Variants in UGT3A2 observed in about 807,000 individuals in gnomAD.
UGT3A2 encodes UDP glycosyltransferase family 3 member A2.
In UGT3A2, 32 loss-of-function variants were observed where a neutral mutation model predicts 39.8. The ratio of observed to expected loss-of-function variants is 0.80; its 90% CI spans 0.61 to 1.08. The LOEUF is 1.08. Ranked by LOEUF, UGT3A2 falls within the 50% of genes least tolerant of loss-of-function variation. UGT3A2 has a pLI of 0.00. For synonymous variants in UGT3A2, 241 were observed against 230.7 expected (o/e 1.04, Z -0.40); for missense variants, 611 against 637.1 (o/e 0.96, Z 0.44).
intron 2 of UGT3A2, among the ~76,000 whole-genome samples, chr5:36,058,638 C>T (rs1432102079): frequency 2.0e-5 from 3 of 152,172 alleles, no homozygotes; most frequent in African/African-American, 7.2e-5. Context: ...CTCCTCCTCC[C>T]TGCTCATTCT....
intron 3 of UGT3A2, among the ~76,000 whole-genome samples, chr5:36,049,993 G>A (rs1345692163): frequency 1.3e-5 from 2 of 151,888 alleles, no homozygotes; most frequent in East Asian, 1.9e-4. Flanking sequence ...CTACCCCTAG[G>A]AGTTAAGCAA....
rs753310477 is a variant in UGT3A2 at position 36,039,562 on chromosome 5, C to T, written c.990G>A (p.Lys330=). The part of the protein sequence containing the change: ...FAHLPQGVIW[K]CQCSHWPKDV... ...CTTTGGGCCAATGAGAACACTGACA[C>T]TTCCATATCACCCCTTGGGGTAGGT... The change falls in exon 5 of 7, where the codon AAG becomes AAA. Residue 330 remains lysine (K), a synonymous_variant. Transcript: ENST00000282507. 1 of 1,614,214 alleles carries T rather than the reference C, an allele frequency of 6.2e-7. No individual in the cohort carries two copies. Among genetic ancestry groups the T allele is most frequent in the Non-Finnish European group, 8.5e-7 (1 of 1,180,046 alleles).
chr5:36,037,894 G>T lies in UGT3A2; in HGVS notation c.1198C>A (p.Arg400=). 2 of 1,613,872 alleles carry T rather than the reference G, an allele frequency of 1.2e-6. No homozygotes were observed. The highest frequency in any genetic ancestry group is 1.7e-6 in the Non-Finnish European group (2 of 1,179,948). ...ACACCAAACTTTTTGGCTTCTACTC[G>T]GACCATGTTTTCAGGCTGGTCTCCA... The part of the protein sequence containing the change: ...LFGDQPENMV[R]VEAKKFGVSI... Residue 400 remains arginine (R), a synonymous_variant, in exon 6 of 7, where the codon CGA becomes AGA. Transcript: ENST00000282507.
chr5:36,037,979 C>G lies in UGT3A2; in HGVS notation c.1113G>C (p.Gly371=), dbSNP rs996092106. The stretch of plus-strand genomic sequence containing the variant: ...GGATGGCCTCCATTATGCTATTCTG[C>G]CCGCCGTGGGTGACAAACAGACGGA... ...PSIRLFVTHG[G]QNSIMEAIQH... The change falls in exon 6 of 7, where the codon GGG becomes GGC. Residue 371 remains glycine (G), a synonymous_variant. Coordinates refer to ENST00000282507, the MANE Select transcript of UGT3A2 (RefSeq NM_174914.4). The G allele has an allele frequency of 1.2e-6, 2 of 1,611,690 alleles. No homozygotes were observed. The highest frequency in any genetic ancestry group is 2.7e-5 in the African/African-American group (2 of 74,834).
At chr5:36,048,863 A>G (rs1166445144) in intron 4 of UGT3A2, 26 bp downstream of exon 4, 2 of 1,604,994 alleles carry the variant, frequency 1.2e-6, no homozygotes, top group South Asian at 2.2e-5. Context: ...CGTGAATCCC[A>G]AACTGAATGC....
Position 36,049,016 on chromosome 5 carries a change from T to C in UGT3A2, c.716A>G (p.His239Arg). Residue 239 changes from histidine to arginine, a missense_variant, in exon 4 of 7, where the codon CAT (histidine) becomes CGT (arginine). Coordinates refer to ENST00000282507, the MANE Select transcript of UGT3A2 (RefSeq NM_174914.4). ...FTEGSRPVLSHLLLKAELWFI... is the reference protein window; with the variant it reads ...FTEGSRPVLSRLLLKAELWFI... ...CCACAACTCTGCTTTCAGTAGAAGATGAGACAAAACTGGCCTAGAGCCTTC... is the reference window on the plus strand; with the variant it reads ...CCACAACTCTGCTTTCAGTAGAAGACGAGACAAAACTGGCCTAGAGCCTTC... The C allele has an allele frequency of 2.5e-6, 4 of 1,614,108 alleles. No individual in the cohort carries two copies. Among genetic ancestry groups the C allele is most frequent in the Non-Finnish European group, 3.4e-6 (4 of 1,179,982 alleles).
At chr5:36,053,561 T>C (rs902533088) in intron 2 of UGT3A2, among the ~76,000 whole-genome samples, 1 of 152,226 alleles carries the variant, frequency 6.6e-6, no homozygotes, top group African/African-American at 2.4e-5. Flanking sequence ...ACACCTGCAC[T>C]GTAAAGGCTT....
intron 2 of UGT3A2, among the ~76,000 whole-genome samples, chr5:36,059,652 C>T (rs1348544744): frequency 6.6e-6 from 1 of 152,094 alleles, no homozygotes; most frequent in Non-Finnish European, 1.5e-5. Context: ...CTCAGATTTG[C>T]TTTCTCTGTG....
Position 36,035,816 on chromosome 5 carries a change from A to C in UGT3A2, c.1454T>G (p.Leu485Arg), listed in dbSNP as rs1427385606. The change falls in exon 7 of 7, where the codon CTG becomes CGG. Residue 485 changes from leucine to arginine, a missense_variant. Coordinates refer to ENST00000282507, the MANE Select transcript of UGT3A2 (RefSeq NM_174914.4). ...CAGCAGAAACACAAAAACGTCGAGC[A>C]GGTACTGCTCATGCCAGGGCTGCTG... ...VFQQPWHEQY[L>R]LDVFVFLLGL... is the part of the protein sequence containing the mutation. The C allele has an allele frequency of 1.9e-6, 3 of 1,614,204 alleles. No homozygotes were observed. In the African/African-American group the frequency reaches 4.0e-5, roughly 22 times the overall value.
At chr5:36,054,012 G>C (rs1455048973) in intron 2 of UGT3A2, among the ~76,000 whole-genome samples, 1 of 152,126 alleles carries the variant, frequency 6.6e-6, no homozygotes, top group Non-Finnish European at 1.5e-5. Context: ...ATAAAATACA[G>C]TAACACTAAT....
Position 36,044,179 on chromosome 5 carries a change from T to G in UGT3A2, c.844-4471A>C, listed in dbSNP as rs140023725. On this transcript the variant is annotated intron_variant, in intron 4 of 6. Transcript: ENST00000282507. ...TTTATCTGAGGGACTGAAGGATCGTTCAACATATGCAAATCAATCAATGTG... is the reference window on the plus strand; with the variant it reads ...TTTATCTGAGGGACTGAAGGATCGTGCAACATATGCAAATCAATCAATGTG... Among the ~76,000 whole-genome samples the G allele has an allele frequency of 9.1e-4, 139 of 152,226 alleles. 2 individuals carry two copies. The highest frequency in any genetic ancestry group is 3.2e-3 in the African/African-American group (134 of 41,566).
chr5:36,043,559 A>C (rs1398305941), intron 4 of UGT3A2, among the ~76,000 whole-genome samples: 1 of 152,002 alleles, frequency 6.6e-6, no homozygotes, highest in Non-Finnish European at 1.5e-5. Context: ...AAATTTAAAA[A>C]AAAGATCAAT....
chr5:36,060,577 C>T (rs1742660829), intron 2 of UGT3A2, among the ~76,000 whole-genome samples: 1 of 152,226 alleles, frequency 6.6e-6, no homozygotes, highest in South Asian at 2.1e-4. Context: ...CCTTTGCTCA[C>T]TAGAAGCGGG....
chr5:36,064,313 C>T lies in UGT3A2; in HGVS notation c.132G>A (p.Gln44=), dbSNP rs755829214. 11 of 1,614,206 alleles carry T rather than the reference C, an allele frequency of 6.8e-6. No individual in the cohort carries two copies. Among genetic ancestry groups the T allele is most frequent in the Non-Finnish European group, 8.5e-6 (10 of 1,180,040 alleles). Residue 44 remains glutamine, a synonymous_variant, in exon 2 of 7, where the codon CAG becomes CAA. Transcript: ENST00000282507. ...SHYLLMDRVS[Q]ILQDHGHNVT... ...CATTATGACCGTGATCTTGAAGAATCTGAGAAACCCGGTCCATCAGTAGAT... is the reference window on the plus strand; with the variant it reads ...CATTATGACCGTGATCTTGAAGAATTTGAGAAACCCGGTCCATCAGTAGAT...
Position 36,049,184 on chromosome 5 carries a change from T to C in UGT3A2, c.548A>G (p.Tyr183Cys), listed in dbSNP as rs1242466765. The change falls in exon 4 of 7, where the codon TAT becomes TGT. Residue 183 changes from tyrosine to cysteine, a missense_variant. Transcript: ENST00000282507. ...CAGCAAGGAACGGAATACTGGAACA[T>C]AAGACAAGGGGATTGGTAGCCCAAA... ...LEFGLPIPLS[Y>C]VPVFRSLLTD... 13 of 1,613,938 alleles carry C rather than the reference T, an allele frequency of 8.1e-6. No homozygotes were observed. The highest frequency in any genetic ancestry group is 1.0e-5 in the Non-Finnish European group (12 of 1,180,022).
intron 1 of UGT3A2, among the ~76,000 whole-genome samples, chr5:36,065,839 C>T (rs937034367): frequency 1.3e-5 from 2 of 152,112 alleles, no homozygotes; most frequent in African/African-American, 4.8e-5. Context: ...TGTGGTTCTT[C>T]CCAGCCCTAC....
intron 4 of UGT3A2, among the ~76,000 whole-genome samples, chr5:36,043,252 TG>T (rs1742066552): frequency 6.6e-6 from 1 of 151,746 alleles, no homozygotes; most frequent in South Asian, 2.1e-4. Flanking sequence ...TACAAATGCA[TG>T]GAAAAAAACA....
At chr5:36,047,971 C>T (rs1742218925) in intron 4 of UGT3A2, among the ~76,000 whole-genome samples, 1 of 152,172 alleles carries the variant, frequency 6.6e-6, no homozygotes, top group South Asian at 2.1e-4. Context: ...AAATGCAAAG[C>T]CCATATCACC....
chr5:36,064,386 G>C, intron 1 of UGT3A2, 36 bp from the exon 2 acceptor site: 1 of 1,555,760 alleles, frequency 6.4e-7, no homozygotes, highest in Non-Finnish European at 8.9e-7. Context: ...CTGGAATGAT[G>C]AGAATACAGT....
Sources: allele counts gnomAD v4.1 joint callset (sites outside exome capture counted in the v4.1 genomes callset), GRCh38; gene constraint gnomAD v4.1.1; transcripts MANE v1.5; gene names NCBI Gene and HGNC (gene_info 2026-07-23, HGNC 2026-07-21).